TMEM106A: variants seen among roughly 807,000 people sequenced by gnomAD.
TMEM106A encodes the protein transmembrane protein 106A.
A neutral mutation model predicts 25.1 loss-of-function variants in TMEM106A; 22 were observed. The ratio of observed to expected loss-of-function variants is 0.88; its 90% CI spans 0.63 to 1.25. The LOEUF is 1.25. TMEM106A is among the 50% of genes most tolerant of loss of function. The pLI is 0.00. For synonymous variants in TMEM106A, 104 were observed against 129.9 expected (o/e 0.80, Z 1.35); for missense variants, 275 against 318.1 (o/e 0.86, Z 1.03).
At chr17:43,216,039 C>T in intron 5 of TMEM106A, 98 bp downstream of exon 5, 1 of 1,471,394 alleles carries the variant, frequency 6.8e-7, no homozygotes, top group Non-Finnish European at 9.3e-7. Context: ...AGCCAGAGAT[C>T]TTATGGCACC....
intron 3 of TMEM106A, 134 bp downstream of exon 3, chr17:43,213,386 C>A: frequency 3.2e-6 from 3 of 930,386 alleles, no homozygotes; most frequent in South Asian, 1.6e-5. Flanking sequence ...CAGTCTCAGG[C>A]TGGCCAGGGA....
Position 43,218,046 on chromosome 17 carries a change from A to G in TMEM106A, c.*245A>G, listed in dbSNP as rs890011003. On this transcript the variant is annotated 3_prime_UTR_variant, in exon 9 of 9. Transcript: ENST00000612339. The stretch of plus-strand genomic sequence containing the variant: ...CTGCCATCAGATTCTGCCCTTGGTT[A>G]GTTTTTTGTTTTTTTTTTGGTAGAG... 3.6e-5 allele frequency: 18 copies of G among 504,804 alleles called. No homozygotes were observed. The highest frequency in any genetic ancestry group is 5.7e-4 in the Middle Eastern group (1 of 1,746). The allele number at this position is 504,804 out of a possible 1,614,324, so 31.3% of individuals were successfully genotyped here.
Position 43,218,993 on chromosome 17 carries a change from G to A in TMEM106A, c.*1192G>A, listed in dbSNP as rs1474798721. On this transcript the variant is annotated 3_prime_UTR_variant, in exon 9 of 9. Transcript: ENST00000612339. ...AGCAGGAGCCAAAATAGTAGAGGAG[G>A]GGAGAGAGGCACCTGGCACTCTGCG... 1 of 152,188 alleles carries A rather than the reference G, an allele frequency of 6.6e-6. No individual in the cohort carries two copies. The highest frequency in any genetic ancestry group is 2.4e-5 in the African/African-American group (1 of 41,424). The allele number at this position is 152,188 out of a possible 1,614,324, so 9.4% of individuals were successfully genotyped here. A position where few individuals can be genotyped will look rare whatever the true frequency, so the allele number is the denominator to read the frequency against.
In TMEM106A at chr17:43,217,004, A is replaced by G. The variant is rs971991019; in HGVS notation, c.615-255A>G. On this transcript the variant is annotated intron_variant, in intron 7 of 8. Coordinates refer to ENST00000612339, the MANE Select transcript of TMEM106A (RefSeq NM_145041.4). Reference sequence around the variant, plus strand: ...TCTTCAGCCTGCATTGCTGAGGAAGAAGAATGTTTTGTCTGTCTCCTGAAT... The same window carrying G: ...TCTTCAGCCTGCATTGCTGAGGAAGGAGAATGTTTTGTCTGTCTCCTGAAT... 8 of 624,804 alleles carry G rather than the reference A, an allele frequency of 1.3e-5. No individual in the cohort carries two copies. In the Admixed American group the frequency reaches 2.3e-4, roughly 18 times the overall value. The allele number at this position is 624,804 out of a possible 1,614,324, so 38.7% of individuals were successfully genotyped here. A position where few individuals can be genotyped will look rare whatever the true frequency, so the allele number is the denominator to read the frequency against.
chr17:43,217,195 C>A, intron 7 of TMEM106A, 64 bp from the exon 8 acceptor site: 3 of 1,562,748 alleles, frequency 1.9e-6, no homozygotes, highest in East Asian at 2.2e-5. Flanking sequence ...CTGCAGGCAT[C>A]TTCTGAGCTG....
At position 43,218,464 on chromosome 17, in the gene TMEM106A, C is replaced by T. The variant is rs1231410820; in HGVS notation, c.*663C>T. The T allele has an allele frequency of 6.6e-6, 1 of 152,250 alleles. No individual in the cohort carries two copies. The highest frequency in any genetic ancestry group is 2.4e-5 in the African/African-American group (1 of 41,432). The allele number at this position is 152,250 out of a possible 1,614,324, so 9.4% of individuals were successfully genotyped here. On this transcript the variant is annotated 3_prime_UTR_variant, in exon 9 of 9. Coordinates refer to ENST00000612339, the MANE Select transcript of TMEM106A (RefSeq NM_145041.4). ...TCACTTGAGGGCAGGAGTTCGTGAC[C>T]AGCCTGGTCAACATGGTGAAACCTT...
intron 8 of TMEM106A, 97 bp from the exon 9 acceptor site, chr17:43,217,584 T>A: frequency 1.9e-6 from 3 of 1,542,230 alleles, no homozygotes; most frequent in Non-Finnish European, 2.6e-6. Flanking sequence ...GAAGGGCAAA[T>A]GAGGGAGCTC....
At chr17:43,216,333 C>T in intron 5 of TMEM106A, 116 bp from the exon 6 acceptor site, 1 of 1,406,634 alleles carries the variant, frequency 7.1e-7, no homozygotes, top group Admixed American at 1.8e-5. Context: ...TCCTCTGCAC[C>T]TGAAGCTTGT....
At chr17:43,217,439 CAAGTCTAGCCCCTTTTCTGAGTCTCA>C in intron 8 of TMEM106A, 127 bp downstream of exon 8, 1 of 1,323,966 alleles carries the variant, frequency 7.6e-7, no homozygotes, top group Non-Finnish European at 1.1e-6. Flanking sequence ...TTGGGAATAG[CAAGTCTAGCCCCTTTTCTGAGTCTCA>C]CCTTGCCTAT....
chr17:43,216,046 C>T (rs1183440918), intron 5 of TMEM106A, 105 bp downstream of exon 5: 1 of 1,441,828 alleles, frequency 6.9e-7, no homozygotes, highest in East Asian at 2.3e-5. Flanking sequence ...GATCTTATGG[C>T]ACCCAGAGGG....
rs1248801732 is a variant in TMEM106A at position 43,215,703 on chromosome 17, G to C, written c.276-85G>C. ...TGTGCAGGGGAAAGCTTTGTATATG[G>C]AGAGGAGTGTCTGAACCCCCTCTCC... On this transcript the variant is annotated intron_variant, in intron 4 of 8. Coordinates refer to ENST00000612339, the MANE Select transcript of TMEM106A (RefSeq NM_145041.4). The C allele has an allele frequency of 2.1e-6, 3 of 1,459,288 alleles. No homozygotes were observed. In the South Asian group the frequency reaches 3.6e-5, roughly 18 times the overall value. 90.4% of individuals were successfully genotyped at this position (1,459,288 alleles called of 1,614,324 possible). A position where few individuals can be genotyped will look rare whatever the true frequency, so the allele number is the denominator to read the frequency against.
In TMEM106A at chr17:43,216,744, A is replaced by G; in HGVS notation, c.614+4A>G. The G allele has an allele frequency of 7.4e-6, 12 of 1,614,202 alleles. No homozygotes were observed. The highest frequency in any genetic ancestry group is 1.0e-5 in the Non-Finnish European group (12 of 1,180,026). On this transcript the variant is annotated splice_donor_region_variant and intron_variant, in intron 7 of 8. Coordinates refer to ENST00000612339, the MANE Select transcript of TMEM106A (RefSeq NM_145041.4). Reference sequence around the variant, plus strand: ...AGATACGGGATGAAAACACATAGTGAGTACCCCTTGATCTCTTCTCCCCTA... The same window carrying G: ...AGATACGGGATGAAAACACATAGTGGGTACCCCTTGATCTCTTCTCCCCTA...
At chr17:43,216,085 A>ATGGTTGCTCCT in intron 5 of TMEM106A, 144 bp downstream of exon 5, 1 of 991,588 alleles carries the variant, frequency 1.0e-6, no homozygotes. Context: ...AAGTAGGAGC[A>ATGGTTGCTCCT]ACCATGAGCT....
intron 4 of TMEM106A, among the ~76,000 whole-genome samples, chr17:43,214,969 A>C (rs571831154): frequency 7.3e-5 from 11 of 150,150 alleles, no homozygotes; most frequent in Non-Finnish European, 1.5e-4. Flanking sequence ...GAAAAAAAAA[A>C]AAAAACAAAA....
intron 6 of TMEM106A, 46 bp downstream of exon 6, chr17:43,216,635 G>T (rs760083106): frequency 5.6e-6 from 9 of 1,614,070 alleles, no homozygotes; most frequent in Non-Finnish European, 6.8e-6. Flanking sequence ...GTGTGTGGAT[G>T]TGTGGTAGTG....
In TMEM106A at chr17:43,217,938, C is replaced by T. The variant is rs541393430; in HGVS notation, c.*137C>T. On this transcript the variant is annotated 3_prime_UTR_variant, in exon 9 of 9. Coordinates refer to ENST00000612339, the MANE Select transcript of TMEM106A (RefSeq NM_145041.4). ...CTCATCACACCCTTACCTCCCACCCCCTCAGCACAGGAAGCTTGCTTTGAA... is the reference window on the plus strand; with the variant it reads ...CTCATCACACCCTTACCTCCCACCCTCTCAGCACAGGAAGCTTGCTTTGAA... 22 of 1,286,962 alleles carry T rather than the reference C, an allele frequency of 1.7e-5. No individual in the cohort carries two copies. Among genetic ancestry groups the T allele is most frequent in the East Asian group, 9.3e-5 (4 of 42,824 alleles). 79.7% of individuals were successfully genotyped at this position (1,286,962 alleles called of 1,614,324 possible).
chr17:43,217,317 G>A lies in TMEM106A; in HGVS notation c.668+5G>A, dbSNP rs1222425044. 5 of 1,614,170 alleles carry A rather than the reference G, an allele frequency of 3.1e-6. No homozygotes were observed. The highest frequency in any genetic ancestry group is 4.2e-6 in the Non-Finnish European group (5 of 1,179,970). ...CCATGTGCTTTTGCACATCCAGTAA[G>A]TAGAGCTTGGAGCTCTGGTATCCCT... On this transcript the variant is annotated splice_donor_5th_base_variant and intron_variant, in intron 8 of 8. Transcript: ENST00000612339.
chr17:43,214,029 C>T (rs1039098920), intron 4 of TMEM106A, 138 bp downstream of exon 4: 9 of 846,384 alleles, frequency 1.1e-5, no homozygotes, highest in African/African-American at 1.7e-5. Context: ...GGTACCAGCT[C>T]CTTACGTCCA....
rs1567874406 is a variant in TMEM106A at position 43,211,911 on chromosome 17, A to G, written c.-201A>G. ...CACTCTCTTCCGTTTCTGTCGCTGC[A>G]GTCGTCCGCGGGTAAGGCCCTCCCT... On this transcript the variant is annotated 5_prime_UTR_variant, in exon 1 of 9. Coordinates refer to ENST00000612339, the MANE Select transcript of TMEM106A (RefSeq NM_145041.4). The G allele has an allele frequency of 6.6e-6, 1 of 152,268 alleles. No homozygotes were observed. The highest frequency in any genetic ancestry group is 2.1e-4 in the South Asian group (1 of 4,838). 9.4% of individuals were successfully genotyped at this position (152,268 alleles called of 1,614,324 possible).
Sources: allele counts gnomAD v4.1 joint callset (sites outside exome capture counted in the v4.1 genomes callset), GRCh38; gene constraint gnomAD v4.1.1; transcripts MANE v1.5; gene names NCBI Gene and HGNC (gene_info 2026-07-23, HGNC 2026-07-21).